RYR2: variants seen among roughly 807,000 people sequenced by gnomAD.
RYR2 encodes the protein ryanodine receptor 2, also known as cardiac muscle ryanodine receptor-calcium release channel.
Under a neutral mutation model 601.1 loss-of-function variants are expected in RYR2, and 227 were observed. The ratio of observed to expected loss-of-function variants is 0.38; its 90% confidence interval spans 0.34 to 0.42. The LOEUF is 0.42. Among genes scored for constraint, RYR2 ranks in the 10% least tolerant of loss-of-function variants. The pLI, the probability that RYR2 is intolerant of heterozygous loss-of-function variation, is 1.00. For missense variants in RYR2, 4,646 were observed against 6,156.5 expected (o/e 0.75, Z 8.21); for synonymous variants, 2,223 against 2,175.1 (o/e 1.02, Z -0.61).
chr1:237,589,854 T>A lies in RYR2; in HGVS notation c.3660T>A (p.Asp1220Glu), dbSNP rs1019112544. ...AQVGRMNFGK[D>E]VSTLKYFTIC... ...TGGGTAGGATGAACTTTGGAAAGGA[T>A]GTCAGCACCTTGAAATATTTCACCA... The change falls in exon 30 of 105, where the codon GAT (aspartate) becomes GAA (glutamate). Residue 1220 changes from aspartate (D) to glutamate (E), a missense_variant. By Grantham distance (45) the Asp-to-Glu change is conservative. Coordinates refer to ENST00000366574, the MANE Select transcript of RYR2 (RefSeq NM_001035.3). The A allele has an allele frequency of 4.3e-6, 7 of 1,613,788 alleles. No homozygotes were observed. The African/African-American group carries it at 9.3e-5, about 22-fold the overall frequency.
intron 10 of RYR2, among the ~76,000 whole-genome samples, chr1:237,397,577 G>A (rs12091036): frequency 0.04 from 6,101 of 152,206 alleles, 383 homozygotes; most frequent in African/African-American, 0.14. Flanking sequence ...TGTTAAAGGA[G>A]CAATGCTTTG....
rs190533014 is a variant in RYR2 at position 237,831,495 on chromosome 1, A to C, written c.14757-19A>C. The C allele has an allele frequency of 1.3e-5, 18 of 1,402,672 alleles. No homozygotes were observed. The highest frequency in any genetic ancestry group is 2.4e-5 in the South Asian group (2 of 84,754). 86.9% of individuals were successfully genotyped at this position (1,402,672 alleles called of 1,614,324 possible). ...ATTTCCATACCGTTCATTTCTGATC[A>C]GTTTCTCTGTATCTGTAGGTTTTTT... is the stretch of plus-strand genomic sequence containing the variant. On this transcript the variant is annotated intron_variant, in intron 103 of 104. Coordinates refer to ENST00000366574, the MANE Select transcript of RYR2 (RefSeq NM_001035.3).
intron 2 of RYR2, among the ~76,000 whole-genome samples, chr1:237,300,655 C>T (rs777957806): frequency 9.2e-5 from 14 of 152,166 alleles, no homozygotes; most frequent in African/African-American, 1.2e-4. Context: ...TTAGGCAAAG[C>T]GCTTCGCTCC....
chr1:237,831,508 C>T lies in RYR2; in HGVS notation c.14757-6C>T, dbSNP rs779122362. 2.4e-4 allele frequency: 362 copies of T among 1,512,052 alleles called. No individual in the cohort carries two copies. The highest frequency in any genetic ancestry group is 3.2e-4 in the Non-Finnish European group (349 of 1,090,552). 93.7% of individuals were successfully genotyped at this position (1,512,052 alleles called of 1,614,324 possible). ...TCATTTCTGATCAGTTTCTCTGTAT[C>T]TGTAGGTTTTTTCTGATGTATCTTA... On this transcript the variant is annotated splice_polypyrimidine_tract_variant and splice_region_variant and intron_variant, in intron 103 of 104. Transcript: ENST00000366574.
rs147368812 is a variant in RYR2, at chr1:237,276,228, T to C, written c.168+5612T>C. Among the ~76,000 whole-genome samples, 524 of 152,156 alleles carry C rather than the reference T, an allele frequency of 3.4e-3. 1 individual carries two copies. Among genetic ancestry groups the C allele is most frequent in the African/African-American group, 0.012 (480 of 41,532 alleles). ...AATTCTCCTTTCTCAGCCTCCCGAG[T>C]TGCTGAGATTACAGGCACCCACCAC... is the stretch of plus-strand genomic sequence containing the variant. On this transcript the variant is annotated intron_variant, in intron 2 of 104. Coordinates refer to ENST00000366574, the MANE Select transcript of RYR2 (RefSeq NM_001035.3).
intron 14 of RYR2, 31 bp downstream of exon 14, chr1:237,445,553 G>C: frequency 6.2e-7 from 1 of 1,610,574 alleles, no homozygotes; most frequent in South Asian, 1.1e-5. Context: ...GTAGTTGTTT[G>C]ATACTTCATT....
intron 34 of RYR2, among the ~76,000 whole-genome samples, chr1:237,599,545 G>A (rs1001311029): frequency 6.6e-6 from 1 of 152,120 alleles, no homozygotes; most frequent in African/African-American, 2.4e-5. Flanking sequence ...TATCGGCTGG[G>A]CGCAGTGACT....
In RYR2 at chr1:237,606,032, A is replaced by G. The variant is rs930568547; in HGVS notation, c.4683+3921A>G. On this transcript the variant is annotated intron_variant, in intron 35 of 104. Transcript: ENST00000366574. ...GATTCAATGCCATCCCCATCAAGCTACCAATGACTTTCTTCACAGAATTGG... is the reference window on the plus strand; with the variant it reads ...GATTCAATGCCATCCCCATCAAGCTGCCAATGACTTTCTTCACAGAATTGG... Among the ~76,000 whole-genome samples the G allele has an allele frequency of 2.6e-5, 4 of 151,530 alleles. 1 individual carries two copies. The highest frequency in any genetic ancestry group is 2.4e-5 in the African/African-American group (1 of 41,404).
At chr1:237,154,547 G>T (rs1314539419) in intron 1 of RYR2, among the ~76,000 whole-genome samples, 1 of 152,112 alleles carries the variant, frequency 6.6e-6, no homozygotes, top group Non-Finnish European at 1.5e-5. Context: ...AGGTGCAGTG[G>T]TGTGCCTGTA....
chr1:237,138,328 C>T (rs1444736894), intron 1 of RYR2, among the ~76,000 whole-genome samples: 3 of 152,196 alleles, frequency 2.0e-5, no homozygotes, highest in East Asian at 1.9e-4. Context: ...CCACCATGCC[C>T]ATCCTGGATA....
In RYR2 at chr1:237,177,654, G is replaced by A. The variant is rs118027901; in HGVS notation, c.49-92843G>A. 3.5e-4 allele frequency among the ~76,000 whole-genome samples: 54 copies of A among 152,200 alleles called. No individual in the cohort carries two copies. The East Asian group carries it at 6.6e-3, about 19-fold the overall frequency. On this transcript the variant is annotated intron_variant, in intron 1 of 104. Coordinates refer to ENST00000366574, the MANE Select transcript of RYR2 (RefSeq NM_001035.3). ...GATCATTTATATTCACAAGTATACA[G>A]CACTCTATTTTGTAAATATGCAGCA...
At chr1:237,217,945 A>C (rs1341344773) in intron 1 of RYR2, among the ~76,000 whole-genome samples, 1 of 152,202 alleles carries the variant, frequency 6.6e-6, no homozygotes, top group Non-Finnish European at 1.5e-5. Context: ...GATTAATAGC[A>C]GCATTTAAAA....
Position 237,224,335 on chromosome 1 carries a change from CTGT to C in RYR2, c.49-46160_49-46158del, listed in dbSNP as rs567427034. ...TAATCAACTGTTTATGTTATACCAACTGTTTAGTTGGCAAGGTTTCCAGGCAAC... is the reference window on the plus strand; with the variant it reads ...TAATCAACTGTTTATGTTATACCAACTTAGTTGGCAAGGTTTCCAGGCAAC... On this transcript the variant is annotated intron_variant, in intron 1 of 104. Transcript: ENST00000366574. 1.2e-3 allele frequency among the ~76,000 whole-genome samples: 190 copies of C among 152,270 alleles called. 2 individuals are homozygous for C. Among genetic ancestry groups the C allele is most frequent in the African/African-American group, 4.4e-3 (183 of 41,562 alleles).
At chr1:237,243,482 G>A (rs1558485714) in intron 1 of RYR2, among the ~76,000 whole-genome samples, 3 of 152,260 alleles carry the variant, frequency 2.0e-5, no homozygotes, top group East Asian at 3.9e-4. Flanking sequence ...AGGTATGTGG[G>A]AAGGGGTGCA....
chr1:237,671,516 T>TGTGC (rs1360218529), intron 58 of RYR2, among the ~76,000 whole-genome samples: 22 of 150,994 alleles, frequency 1.5e-4, no homozygotes, highest in African/African-American at 5.1e-4. Context: ...TGTGTGTGTG[T>TGTGC]GTGCGTGTGT....
chr1:237,460,211 T>A (rs1659314301), intron 16 of RYR2, among the ~76,000 whole-genome samples: 1 of 152,218 alleles, frequency 6.6e-6, no homozygotes, highest in African/African-American at 2.4e-5. Flanking sequence ...AAAGAGGGCT[T>A]GTTCCAGAAG....
chr1:237,559,762 T>A (rs1208857434), intron 27 of RYR2, among the ~76,000 whole-genome samples: 3 of 152,250 alleles, frequency 2.0e-5, no homozygotes. Context: ...TTTAAAGTAA[T>A]GTAATTTGGT....
chr1:237,219,006 C>T (rs1683490189), intron 1 of RYR2, among the ~76,000 whole-genome samples: 1 of 137,396 alleles, frequency 7.3e-6, no homozygotes. Context: ...TTTCCTTATA[C>T]TTGATTTTTT....
At chr1:237,550,737 G>A (rs1670306512) in intron 27 of RYR2, 46 bp downstream of exon 27, 1 of 1,513,426 alleles carries the variant, frequency 6.6e-7, no homozygotes, top group Non-Finnish European at 8.9e-7. Context: ...AGATGATGTA[G>A]TAGTTCTTTA....
Sources: gnomAD v4.1 joint callset for allele counts (sites outside exome capture counted in the v4.1 genomes callset) on GRCh38, gnomAD v4.1.1 for gene constraint, MANE v1.5 for transcripts, NCBI Gene and HGNC (gene_info 2026-07-23, HGNC 2026-07-21) for gene names.